The following SGCZ variants were observed in gnomAD, a reference collection of about 807,000 sequenced individuals.
The protein encoded by SGCZ is zeta-sarcoglycan.
Under a neutral mutation model 41.3 loss-of-function variants are expected in SGCZ, and 40 were observed. That is an observed-to-expected ratio of 0.97 (90% CI 0.75 to 1.26). The LOEUF (loss-of-function observed/expected upper bound fraction) is 1.26, where lower values mean the gene tolerates loss of function less well. Among genes scored for constraint, SGCZ ranks in the 50% most tolerant of loss-of-function variants. The pLI, the probability that SGCZ is intolerant of heterozygous loss-of-function variation, is 0.00. For missense variants in SGCZ, 552 were observed against 369.8 expected, an observed-to-expected ratio of 1.49 and a Z score of -4.04; for synonymous variants, 206 against 137.5, an observed-to-expected ratio of 1.50 and a Z score of -3.49.
chr8:15,095,594 T>A (rs930460421), intron 1 of SGCZ, among the ~76,000 whole-genome samples: 1 of 151,338 alleles, frequency 6.6e-6, no homozygotes, highest in Non-Finnish European at 1.5e-5. Flanking sequence ...GGGTTTCAGA[T>A]TTTTTTTTAT....
intron 5 of SGCZ, among the ~76,000 whole-genome samples, chr8:14,156,039 C>A (rs1385506190): frequency 6.6e-6 from 1 of 152,076 alleles, no homozygotes; most frequent in Non-Finnish European, 1.5e-5. Flanking sequence ...CACTTCTAGT[C>A]CTGAAGCTTG....
chr8:14,673,391 G>T (rs568263720), intron 1 of SGCZ, among the ~76,000 whole-genome samples: 46 of 152,126 alleles, frequency 3.0e-4, no homozygotes, highest in African/African-American at 1.1e-3. Context: ...TTTATAAGTG[G>T]CAGTTTCACC....
At chr8:14,771,698 T>C (rs1800245244) in intron 1 of SGCZ, among the ~76,000 whole-genome samples, 1 of 152,086 alleles carries the variant, frequency 6.6e-6, no homozygotes, top group South Asian at 2.1e-4. Flanking sequence ...TGGGAAGCAG[T>C]GGAATGTTCT....
intron 2 of SGCZ, among the ~76,000 whole-genome samples, chr8:14,516,502 T>TA (rs1245057022): frequency 6.6e-6 from 1 of 152,026 alleles, no homozygotes; most frequent in Non-Finnish European, 1.5e-5. Context: ...CAAATGGATT[T>TA]AAAAAAATAG....
chr8:14,172,294 A>T (rs1430003393), intron 4 of SGCZ, among the ~76,000 whole-genome samples: 2 of 152,158 alleles, frequency 1.3e-5, no homozygotes, highest in Non-Finnish European at 2.9e-5. Flanking sequence ...ATCTCAACAC[A>T]GTCTTTCAAG....
intron 1 of SGCZ, among the ~76,000 whole-genome samples, chr8:15,096,277 G>A (rs1362622604): frequency 1.3e-5 from 2 of 151,256 alleles, no homozygotes; most frequent in African/African-American, 4.9e-5. Context: ...CAGTAGAGAT[G>A]GGGTTTCACC....
At chr8:14,172,838 T>C (rs149603440) in intron 4 of SGCZ, among the ~76,000 whole-genome samples, 30 of 152,208 alleles carry the variant, frequency 2.0e-4, no homozygotes, top group African/African-American at 7.0e-4. Flanking sequence ...AGAAAACTTA[T>C]AGGAGCACTC....
intron 2 of SGCZ, among the ~76,000 whole-genome samples, chr8:14,460,006 G>GA (rs1356310248): frequency 2.6e-5 from 4 of 152,024 alleles, no homozygotes; most frequent in Admixed American, 2.0e-4. Flanking sequence ...ATATCCTGGT[G>GA]AAAAAAGAGA....
intron 1 of SGCZ, among the ~76,000 whole-genome samples, chr8:15,102,099 A>G (rs534716246): frequency 6.6e-6 from 1 of 152,260 alleles, no homozygotes; most frequent in African/African-American, 2.4e-5. Flanking sequence ...CCACACAAAA[A>G]CCTGCACAAC....
chr8:14,934,354 G>A (rs1175989324), intron 1 of SGCZ, among the ~76,000 whole-genome samples: 2 of 151,890 alleles, frequency 1.3e-5, no homozygotes, highest in African/African-American at 4.8e-5. Flanking sequence ...TATTCATGAG[G>A]TTCCAGGATT....
intron 2 of SGCZ, among the ~76,000 whole-genome samples, chr8:14,449,509 T>C (rs1800530376): frequency 6.6e-6 from 1 of 152,138 alleles, no homozygotes; most frequent in Non-Finnish European, 1.5e-5. Flanking sequence ...CATGTTCCAA[T>C]GTGTCCTCAG....
chr8:14,505,871 G>A (rs1308018685), intron 2 of SGCZ, among the ~76,000 whole-genome samples: 4 of 152,204 alleles, frequency 2.6e-5, no homozygotes, highest in Non-Finnish European at 5.9e-5. Flanking sequence ...CACAGGACTC[G>A]GCAATCTGTG....
Position 14,237,691 on chromosome 8 carries a change from G to A in SGCZ, c.337-12C>T. ...ACCAGCGGACTATCCTGGGAAACAT[G>A]TATAAAATAAATAAATAGAAAATAG... On this transcript the variant is annotated splice_polypyrimidine_tract_variant and intron_variant, in intron 3 of 7. Coordinates refer to ENST00000382080, the MANE Select transcript of SGCZ (RefSeq NM_139167.4). 7 of 1,594,736 alleles carry A rather than the reference G, an allele frequency of 4.4e-6. No homozygotes were observed. Among genetic ancestry groups the A allele is most frequent in the African/African-American group, 1.3e-5 (1 of 74,370 alleles).
rs184743888 is a variant in SGCZ, at chr8:14,211,745, G to A, written c.424+25847C>T. On this transcript the variant is annotated intron_variant, in intron 4 of 7. Transcript: ENST00000382080. ...CTCACTCACTATCACAAGAACAGCC[G>A]GGGGAAATCTGCCCCACAATCCAAT... Among the ~76,000 whole-genome samples, 388 of 152,068 alleles carry A rather than the reference G, an allele frequency of 2.6e-3. 4 individuals carry two copies. Among genetic ancestry groups the A allele is most frequent in the Admixed American group, 0.022 (330 of 15,272 alleles).
At chr8:14,803,334 G>A (rs969316578) in intron 1 of SGCZ, among the ~76,000 whole-genome samples, 1 of 152,060 alleles carries the variant, frequency 6.6e-6, no homozygotes, top group Non-Finnish European at 1.5e-5. Flanking sequence ...ATCTCACTAG[G>A]GAGTGCCAGA....
intron 2 of SGCZ, among the ~76,000 whole-genome samples, chr8:14,441,209 C>T (rs1800251068): frequency 1.3e-5 from 2 of 152,284 alleles, no homozygotes; most frequent in South Asian, 2.1e-4. Flanking sequence ...TTTAAATCAT[C>T]TCCCAAATTA....
intron 2 of SGCZ, among the ~76,000 whole-genome samples, chr8:14,444,053 A>C (rs1800355171): frequency 1.3e-5 from 2 of 152,242 alleles, no homozygotes; most frequent in Non-Finnish European, 2.9e-5. Flanking sequence ...CAAAAGACAC[A>C]TGAAAAAATG....
intron 1 of SGCZ, among the ~76,000 whole-genome samples, chr8:14,891,173 G>T (rs2130742297): frequency 6.6e-6 from 1 of 152,290 alleles, no homozygotes; most frequent in African/African-American, 2.4e-5. Flanking sequence ...CTGATTTAAG[G>T]AAAACATTTT....
chr8:14,202,207 C>T (rs909504256), intron 4 of SGCZ, among the ~76,000 whole-genome samples: 2 of 152,116 alleles, frequency 1.3e-5, no homozygotes, highest in Admixed American at 6.6e-5. Context: ...AACGACTCAT[C>T]CAGCCATTGC....
Sources: gnomAD v4.1 joint callset for allele counts (sites outside exome capture counted in the v4.1 genomes callset) on GRCh38, gnomAD v4.1.1 for gene constraint, MANE v1.5 for transcripts, NCBI Gene and HGNC (gene_info 2026-07-23, HGNC 2026-07-21) for gene names.